B3GALT1: variants seen among roughly 807,000 people sequenced by gnomAD.
B3GALT1 encodes the protein beta-1,3-galactosyltransferase 1, also known as UDP-Gal:betaGlcNAc beta 1,3-galactosyltransferase, polypeptide 1.
Under a neutral mutation model 23.2 loss-of-function variants are expected in B3GALT1, and 10 were observed. The observed-to-expected ratio is 0.43, with a 90% CI of 0.27 to 0.73. The LOEUF is 0.73. Among genes scored for constraint, B3GALT1 ranks in the 30% least tolerant of loss-of-function variants. The probability of loss-of-function intolerance (pLI) is 0.21; values close to 1 mark genes in which losing one functional copy is unlikely to be tolerated. For synonymous variants in B3GALT1, 156 were observed against 141.5 expected (o/e 1.10, Z -0.73); for missense variants, 299 against 405.4 (o/e 0.74, Z 2.25).
intron 2 of B3GALT1, among the ~76,000 whole-genome samples, chr2:167,559,127 T>C: frequency 6.6e-6 from 1 of 152,086 alleles, no homozygotes; most frequent in Admixed American, 6.5e-5. Context: ...AGAGGAACGA[T>C]CAGACAGCAG....
In B3GALT1 at chr2:167,578,531, G is replaced by A. The variant is rs79290962; in HGVS notation, c.-409-68378G>A. On this transcript the variant is annotated intron_variant, in intron 2 of 4. Transcript: ENST00000392690. ...AATTTTCTTCGAGGTTTTCTCGGGG[G>A]TATTGGAGGGTAGGGGAGCTCACCT... Among the ~76,000 whole-genome samples the A allele has an allele frequency of 2.9e-3, 447 of 151,852 alleles. 24 individuals are homozygous for A. In the East Asian group the frequency reaches 0.074, roughly 25 times the overall value.
intron 4 of B3GALT1, among the ~76,000 whole-genome samples, chr2:167,864,551 G>T (rs903346973): frequency 1.3e-5 from 2 of 152,152 alleles, no homozygotes; most frequent in East Asian, 3.9e-4. Context: ...GTGACAGAGT[G>T]AGACCCTGTA....
intron 2 of B3GALT1, among the ~76,000 whole-genome samples, chr2:167,646,189 C>T (rs904853644): frequency 6.6e-6 from 1 of 152,140 alleles, no homozygotes; most frequent in African/African-American, 2.4e-5. Flanking sequence ...GGAAAGACAA[C>T]TACAAGCTCA....
chr2:167,668,030 T>C (rs990953603), intron 3 of B3GALT1, among the ~76,000 whole-genome samples: 7 of 152,312 alleles, frequency 4.6e-5, no homozygotes, highest in African/African-American at 1.7e-4. Flanking sequence ...CGCTCTGCTT[T>C]TTAGAGTTTC....
At chr2:167,349,225 C>T (rs1389674525) in intron 1 of B3GALT1, among the ~76,000 whole-genome samples, 1 of 152,090 alleles carries the variant, frequency 6.6e-6, no homozygotes, top group African/African-American at 2.4e-5. Flanking sequence ...TTCTGAGTAG[C>T]GTGATGAAAT....
chr2:167,688,081 A>G (rs1686646279), intron 3 of B3GALT1, among the ~76,000 whole-genome samples: 1 of 152,136 alleles, frequency 6.6e-6, no homozygotes, highest in Non-Finnish European at 1.5e-5. Flanking sequence ...TAATCACACT[A>G]TACATATTTG....
intron 1 of B3GALT1, among the ~76,000 whole-genome samples, chr2:167,473,891 G>A (rs559635904): frequency 1.4e-4 from 22 of 152,172 alleles, no homozygotes; most frequent in Non-Finnish European, 2.2e-4. Context: ...GTAGAGACAC[G>A]TGAAGTAATA....
chr2:167,815,607 T>C (rs568081509), intron 3 of B3GALT1, among the ~76,000 whole-genome samples: 1 of 152,330 alleles, frequency 6.6e-6, no homozygotes, highest in Non-Finnish European at 1.5e-5. Flanking sequence ...TATCCTATTA[T>C]GTCACTAAAT....
At chr2:167,586,046 T>G (rs1684579364) in intron 2 of B3GALT1, among the ~76,000 whole-genome samples, 1 of 152,184 alleles carries the variant, frequency 6.6e-6, no homozygotes, top group Non-Finnish European at 1.5e-5. Context: ...TAAAGCGCCA[T>G]TTTTTGGAGT....
intron 1 of B3GALT1, among the ~76,000 whole-genome samples, chr2:167,318,053 C>T (rs761403223): frequency 6.6e-5 from 10 of 152,158 alleles, no homozygotes; most frequent in African/African-American, 1.2e-4. Flanking sequence ...AAGGGCCGGA[C>T]GCGGTGGCTC....
chr2:167,547,828 GC>G (rs1286913489), intron 2 of B3GALT1, among the ~76,000 whole-genome samples: 1 of 152,014 alleles, frequency 6.6e-6, no homozygotes, highest in African/African-American at 2.4e-5. Flanking sequence ...AGCAGACCTT[GC>G]TATATGAAAT....
At chr2:167,299,190 A>T (rs1696405820) in intron 1 of B3GALT1, among the ~76,000 whole-genome samples, 1 of 152,196 alleles carries the variant, frequency 6.6e-6, no homozygotes, top group Admixed American at 6.5e-5. Context: ...GGGCTGAATC[A>T]ATTCCTCACT....
At chr2:167,352,447 G>T (rs1041843028) in intron 1 of B3GALT1, among the ~76,000 whole-genome samples, 5 of 151,284 alleles carry the variant, frequency 3.3e-5, no homozygotes, top group African/African-American at 4.9e-5. Flanking sequence ...TGTAGCCGGG[G>T]GCAGTGGCTC....
chr2:167,575,874 G>A (rs1684372857), intron 2 of B3GALT1, among the ~76,000 whole-genome samples: 1 of 151,560 alleles, frequency 6.6e-6, no homozygotes, highest in Admixed American at 6.6e-5. Flanking sequence ...TTCAAAACAG[G>A]GAGTTCACGT....
chr2:167,525,538 A>G (rs1448327892), intron 2 of B3GALT1, among the ~76,000 whole-genome samples: 1 of 152,108 alleles, frequency 6.6e-6, no homozygotes, highest in Non-Finnish European at 1.5e-5. Context: ...CGTATATTAT[A>G]TAACTTTAGG....
intron 3 of B3GALT1, among the ~76,000 whole-genome samples, chr2:167,746,508 A>G (rs1022163192): frequency 6.6e-6 from 1 of 152,206 alleles, no homozygotes; most frequent in Non-Finnish European, 1.5e-5. Flanking sequence ...TTGTTTTCTA[A>G]AAAAGTCATA....
chr2:167,681,350 C>T (rs1314491200), intron 3 of B3GALT1, among the ~76,000 whole-genome samples: 1 of 151,998 alleles, frequency 6.6e-6, no homozygotes, highest in Non-Finnish European at 1.5e-5. Flanking sequence ...TGTGAAATAC[C>T]TCCCCATCCT....
At chr2:167,336,012 A>T (rs546288242) in intron 1 of B3GALT1, among the ~76,000 whole-genome samples, 86 of 149,572 alleles carry the variant, frequency 5.7e-4, no homozygotes, top group Non-Finnish European at 9.4e-4. Flanking sequence ...AGTTTTGATT[A>T]AAAAAAAACG....
chr2:167,337,287 A>C (rs1464579447), intron 1 of B3GALT1, among the ~76,000 whole-genome samples: 1 of 152,046 alleles, frequency 6.6e-6, no homozygotes, highest in Non-Finnish European at 1.5e-5. Flanking sequence ...TCAGTATATA[A>C]AATTATTTCT....
Sources: gnomAD v4.1 joint callset for allele counts (sites outside exome capture counted in the v4.1 genomes callset) on GRCh38, gnomAD v4.1.1 for gene constraint, MANE v1.5 for transcripts, NCBI Gene and HGNC (gene_info 2026-07-23, HGNC 2026-07-21) for gene names.